Variants in KCNK13 observed in about 807,000 individuals in gnomAD.
KCNK13 encodes potassium two pore domain channel subfamily K member 13, also known as potassium channel subfamily K member 13.
In KCNK13, 12 loss-of-function variants were observed where a neutral mutation model predicts 23.4. That is an observed-to-expected ratio of 0.51 (90% CI 0.33 to 0.83). The LOEUF (loss-of-function observed/expected upper bound fraction) is 0.83, where lower values mean the gene tolerates loss of function less well. KCNK13 is among the 40% of genes least tolerant of loss of function. The pLI is 0.02. For missense variants in KCNK13, 463 were observed against 556.3 expected (o/e 0.83, Z 1.69); for synonymous variants, 231 against 229.5 (o/e 1.01, Z -0.06).
chr14:90,112,017 C>T (rs1889620941), intron 1 of KCNK13, among the ~76,000 whole-genome samples: 1 of 152,162 alleles, frequency 6.6e-6, no homozygotes. Context: ...CCCACCCTGA[C>T]CTTATATCCC....
At chr14:90,117,523 G>A (rs1889690658) in intron 1 of KCNK13, among the ~76,000 whole-genome samples, 2 of 152,124 alleles carry the variant, frequency 1.3e-5, no homozygotes, top group African/African-American at 4.8e-5. Flanking sequence ...CCAGGAGGTG[G>A]AGGCTGCAGT....
At position 90,126,674 on chromosome 14, in the gene KCNK13, G is replaced by A. The variant is rs531229192; in HGVS notation, c.335-57437G>A. On this transcript the variant is annotated intron_variant, in intron 1 of 1. Transcript: ENST00000282146. Reference sequence around the variant, plus strand: ...TTCTCCTGCCTCAGCCTCTGAAGTAGCTAGGACTACAGGCACACGCCACCA... The same window carrying A: ...TTCTCCTGCCTCAGCCTCTGAAGTAACTAGGACTACAGGCACACGCCACCA... 2.7e-3 allele frequency among the ~76,000 whole-genome samples: 415 copies of A among 152,100 alleles called. 2 individuals carry two copies. The highest frequency in any genetic ancestry group is 9.9e-3 in the African/African-American group (412 of 41,474).
intron 1 of KCNK13, among the ~76,000 whole-genome samples, chr14:90,141,063 C>T (rs1890000015): frequency 6.6e-6 from 1 of 152,150 alleles, no homozygotes; most frequent in Admixed American, 6.5e-5. Context: ...GGGGGTTCTC[C>T]TGGACACTGT....
At chr14:90,167,269 A>G (rs2140441447) in intron 1 of KCNK13, among the ~76,000 whole-genome samples, 1 of 152,320 alleles carries the variant, frequency 6.6e-6, no homozygotes, top group Non-Finnish European at 1.5e-5. Flanking sequence ...TATCGCAGTC[A>G]TGAACCAAAA....
chr14:90,096,919 G>A (rs1889417189), intron 1 of KCNK13, among the ~76,000 whole-genome samples: 1 of 152,090 alleles, frequency 6.6e-6, no homozygotes. Flanking sequence ...TTAATCCCAA[G>A]TTACATTCCT....
At chr14:90,122,002 G>A (rs995850177) in intron 1 of KCNK13, among the ~76,000 whole-genome samples, 8 of 152,112 alleles carry the variant, frequency 5.3e-5, no homozygotes, top group Admixed American at 3.9e-4. Context: ...TTACAGGTGT[G>A]AGCCACCATG....
At chr14:90,116,695 G>A (rs3861654) in intron 1 of KCNK13, among the ~76,000 whole-genome samples, 118,425 of 152,132 alleles carry the variant, frequency 0.78, 46,152 homozygotes, top group Admixed American at 0.81. Context: ...AATTCCCAGG[G>A]GGTCATGCAC....
At chr14:90,148,338 C>T (rs1026459698) in intron 1 of KCNK13, among the ~76,000 whole-genome samples, 2 of 152,206 alleles carry the variant, frequency 1.3e-5, no homozygotes, top group Non-Finnish European at 2.9e-5. Flanking sequence ...AGGGCACCTC[C>T]CATGTTATAC....
chr14:90,093,738 G>A (rs1273442973), intron 1 of KCNK13, among the ~76,000 whole-genome samples: 1 of 152,114 alleles, frequency 6.6e-6, no homozygotes, highest in Non-Finnish European at 1.5e-5. Flanking sequence ...CCATAGGGTG[G>A]CATCCCTCCC....
chr14:90,184,078 C>G lies in KCNK13; in HGVS notation c.335-33C>G. The G allele has an allele frequency of 6.3e-7, 1 of 1,586,570 alleles. No homozygotes were observed. The highest frequency in any genetic ancestry group is 1.2e-5 in the South Asian group (1 of 86,526). Reference sequence around the variant, plus strand: ...TAGACCCCATTCACAGCAAAGATTTCTCTTACTCTTCTCTCATTTTTCTCT... The same window carrying G: ...TAGACCCCATTCACAGCAAAGATTTGTCTTACTCTTCTCTCATTTTTCTCT... On this transcript the variant is annotated intron_variant, in intron 1 of 1. Coordinates refer to ENST00000282146, the MANE Select transcript of KCNK13 (RefSeq NM_022054.4). This position sits in a 1 kb window ranked among gnomAD's most constrained non-coding sequence, Gnocchi z 5.6.
intron 1 of KCNK13, among the ~76,000 whole-genome samples, chr14:90,130,903 G>A (rs1889861945): frequency 6.6e-6 from 1 of 152,208 alleles, no homozygotes; most frequent in African/African-American, 2.4e-5. Flanking sequence ...AGTCGAGTAT[G>A]GTGGGAACCG....
At chr14:90,152,200 G>A (rs541637952) in intron 1 of KCNK13, among the ~76,000 whole-genome samples, 17 of 152,232 alleles carry the variant, frequency 1.1e-4, no homozygotes, top group African/African-American at 4.1e-4. Context: ...TTTTATAAAG[G>A]GCAGTTTCCC....
intron 1 of KCNK13, among the ~76,000 whole-genome samples, chr14:90,152,282 T>G (rs1458076999): frequency 1.3e-5 from 2 of 152,206 alleles, no homozygotes; most frequent in Non-Finnish European, 2.9e-5. Flanking sequence ...ACGCCTGTAA[T>G]CCCAGCACTT....
At chr14:90,063,275 G>C (rs1888967571) in intron 1 of KCNK13, among the ~76,000 whole-genome samples, 1 of 152,142 alleles carries the variant, frequency 6.6e-6, no homozygotes, top group African/African-American at 2.4e-5. Context: ...ATGGAGGCGG[G>C]GGTAGGACCT....
intron 1 of KCNK13, among the ~76,000 whole-genome samples, chr14:90,115,298 A>G (rs971819782): frequency 1.7e-4 from 26 of 152,170 alleles, no homozygotes; most frequent in South Asian, 6.2e-4. Context: ...CGTTCCTCAC[A>G]TGATTCTGGA....
chr14:90,161,464 TA>T (rs1199633868), intron 1 of KCNK13, among the ~76,000 whole-genome samples: 1 of 152,130 alleles, frequency 6.6e-6, no homozygotes, highest in Non-Finnish European at 1.5e-5. Context: ...TTTACCACTA[TA>T]AAAATCAATA....
intron 1 of KCNK13, among the ~76,000 whole-genome samples, chr14:90,171,688 C>T (rs1325575109): frequency 6.6e-6 from 1 of 152,148 alleles, no homozygotes; most frequent in African/African-American, 2.4e-5. Flanking sequence ...GCTTCCAAGT[C>T]ATAGGTAGGT....
chr14:90,182,534 A>G (rs1890499395), intron 1 of KCNK13, among the ~76,000 whole-genome samples: 1 of 152,136 alleles, frequency 6.6e-6, no homozygotes, highest in Admixed American at 6.5e-5. Flanking sequence ...AAATAAGGAA[A>G]AACTGGGTTG....
chr14:90,185,057 G>C lies in KCNK13; in HGVS notation c.*54G>C, dbSNP rs543887408. 4 of 1,442,882 alleles carry C rather than the reference G, an allele frequency of 2.8e-6. No homozygotes were observed. Among genetic ancestry groups the C allele is most frequent in the African/African-American group, 2.8e-5 (2 of 70,762 alleles). 89.4% of individuals were successfully genotyped at this position (1,442,882 alleles called of 1,614,324 possible). ...CAGAGTAGAATGGAGGATGATTGCC[G>C]CCCAGGGGACGAGCTCAGCCCTGCG... On this transcript the variant is annotated 3_prime_UTR_variant, in exon 2 of 2. Coordinates refer to ENST00000282146, the MANE Select transcript of KCNK13 (RefSeq NM_022054.4).
Sources: gnomAD v4.1 joint callset for allele counts (sites outside exome capture counted in the v4.1 genomes callset) on GRCh38, gnomAD v4.1.1 for gene constraint, Gnocchi (gnomAD v3.1) non-coding constraint, MANE v1.5 for transcripts, NCBI Gene and HGNC (gene_info 2026-07-23, HGNC 2026-07-21) for gene names.